The following GALNT7 variants were observed in gnomAD, a reference collection of about 807,000 sequenced individuals.
GALNT7 encodes the protein polypeptide N-acetylgalactosaminyltransferase 7.
A neutral mutation model predicts 82.1 loss-of-function variants in GALNT7; 60 were observed. The observed-to-expected ratio is 0.73, with a 90% confidence interval of 0.59 to 0.91. The LOEUF is 0.91. GALNT7 is among the 40% of genes least tolerant of loss of function. GALNT7 has a pLI of 0.00. For synonymous variants in GALNT7, 243 were observed against 275.1 expected, an observed-to-expected ratio of 0.88 and a Z score of 1.15; for missense variants, 660 against 804.2, an observed-to-expected ratio of 0.82 and a Z score of 2.17.
At chr4:173,202,328 C>G (rs956138200) in intron 1 of GALNT7, among the ~76,000 whole-genome samples, 1 of 152,200 alleles carries the variant, frequency 6.6e-6, no homozygotes, top group African/African-American at 2.4e-5. Context: ...AACTCTTTAC[C>G]ATACATTATA....
At chr4:173,170,111 C>T (rs143048269) in intron 1 of GALNT7, among the ~76,000 whole-genome samples, 2 of 152,264 alleles carry the variant, frequency 1.3e-5, no homozygotes, top group Non-Finnish European at 2.9e-5. Context: ...GCACCGGCCT[C>T]GCCCCCGACC....
chr4:173,260,150 A>G (rs1735205052), intron 2 of GALNT7, among the ~76,000 whole-genome samples: 3 of 152,258 alleles, frequency 2.0e-5, no homozygotes, highest in South Asian at 4.1e-4. Flanking sequence ...TAAAGTACGT[A>G]ACAATACTAT....
chr4:173,183,044 A>ACACACACACAC lies in GALNT7; in HGVS notation c.126+14084_126+14094dup, dbSNP rs1491355871. Among the ~76,000 whole-genome samples, 20 of 7,486 alleles carry ACACACACACAC rather than the reference A, an allele frequency of 2.7e-3. No homozygotes were observed. In the African/African-American group the frequency reaches 0.03, roughly 11 times the overall value. 4.9% of individuals were successfully genotyped at this position (7,486 alleles called of 152,430 possible). A position where few individuals can be genotyped will look rare whatever the true frequency, so the allele number is the denominator to read the frequency against. ...GGTTACTCATAATCCACACACATAA[A>ACACACACACAC]CACACACACACACACACACACACAC... On this transcript the variant is annotated intron_variant, in intron 1 of 11. Coordinates refer to ENST00000265000, the MANE Select transcript of GALNT7 (RefSeq NM_017423.3).
At chr4:173,305,196 T>G (rs1737106727) in intron 8 of GALNT7, among the ~76,000 whole-genome samples, 1 of 152,214 alleles carries the variant, frequency 6.6e-6, no homozygotes, top group Non-Finnish European at 1.5e-5. Flanking sequence ...TTAATGATGT[T>G]GAGCATTTCT....
Position 173,245,374 on chromosome 4 carries a change from T to C in GALNT7, c.127-2606T>C, listed in dbSNP as rs540668850. Among the ~76,000 whole-genome samples, 3 of 152,320 alleles carry C rather than the reference T, an allele frequency of 2.0e-5. No homozygotes were observed. In the South Asian group the frequency reaches 6.2e-4, roughly 32 times the overall value. On this transcript the variant is annotated intron_variant, in intron 1 of 11. Coordinates refer to ENST00000265000, the MANE Select transcript of GALNT7 (RefSeq NM_017423.3). ...TAAACTATGGCGTGTATTTCACAAT[T>C]TGATTTCATGTACTATCATATTCTA...
At position 173,292,502 on chromosome 4, in the gene GALNT7, T is replaced by C. The variant is rs1247991679; in HGVS notation, c.754+228T>C. On this transcript the variant is annotated intron_variant, in intron 3 of 11. Transcript: ENST00000265000. The surrounding 1 kb of genome is among the most constrained non-coding windows in gnomAD (Gnocchi z 4.8). ...TATGTCCATTTTACACGCTCAGAGA[T>C]GTACAAGTAGTACACAAAAATTTGG... 2.6e-5 allele frequency among the ~76,000 whole-genome samples: 4 copies of C among 152,212 alleles called. No individual in the cohort carries two copies. The highest frequency in any genetic ancestry group is 9.6e-5 in the African/African-American group (4 of 41,470).
At chr4:173,201,879 G>T (rs1478114614) in intron 1 of GALNT7, among the ~76,000 whole-genome samples, 4 of 152,136 alleles carry the variant, frequency 2.6e-5, no homozygotes, top group Admixed American at 6.5e-5. Flanking sequence ...ATGTCTCTTA[G>T]ATTTTATAGT....
At chr4:173,221,346 A>G (rs115344727) in intron 1 of GALNT7, among the ~76,000 whole-genome samples, 212 of 152,340 alleles carry the variant, frequency 1.4e-3, no homozygotes, top group African/African-American at 4.7e-3. Flanking sequence ...CAGCAGAAGA[A>G]AGACAGGAAG....
At chr4:173,248,489 A>G (rs773993583) in intron 2 of GALNT7, 49 bp downstream of exon 2, 53 of 1,170,140 alleles carry the variant, frequency 4.5e-5, no homozygotes, top group Admixed American at 2.1e-5. Context: ...TGTTGTTTTC[A>G]TAGGTTTTTA....
rs1737824722 is a variant in GALNT7 at position 173,321,722 on chromosome 4, A to G, written c.*5A>G. 6.3e-7 allele frequency: 1 copy of G among 1,599,236 alleles called. No individual in the cohort carries two copies. Among genetic ancestry groups the G allele is most frequent in the Non-Finnish European group, 8.6e-7 (1 of 1,167,888 alleles). On this transcript the variant is annotated 3_prime_UTR_variant, in exon 12 of 12. Transcript: ENST00000265000. The stretch of plus-strand genomic sequence containing the variant: ...AATAACATCCATAGTGTTTAGAGAG[A>G]AAAAAATAAACCAATAACCTACCTA...
intron 1 of GALNT7, among the ~76,000 whole-genome samples, chr4:173,195,146 T>C (rs1732737972): frequency 2.0e-5 from 3 of 152,196 alleles, no homozygotes; most frequent in Admixed American, 1.3e-4. Flanking sequence ...TAATATTGAG[T>C]GTTTTGCTCC....
At chr4:173,287,969 T>C (rs1042397857) in intron 2 of GALNT7, among the ~76,000 whole-genome samples, 1 of 152,162 alleles carries the variant, frequency 6.6e-6, no homozygotes, top group South Asian at 2.1e-4. Context: ...TGTAGTTGGA[T>C]GTAGAACAGG....
intron 2 of GALNT7, among the ~76,000 whole-genome samples, chr4:173,254,680 A>G (rs1734964516): frequency 6.6e-6 from 1 of 152,246 alleles, no homozygotes; most frequent in South Asian, 2.1e-4. Flanking sequence ...GTGACCATCC[A>G]AACTAATTGA....
intron 1 of GALNT7, among the ~76,000 whole-genome samples, chr4:173,190,897 G>C (rs758028636): frequency 3.3e-5 from 5 of 152,106 alleles, no homozygotes; most frequent in Non-Finnish European, 7.3e-5. Context: ...GCGTGGAATT[G>C]GCAAAGATTT....
Position 173,295,456 on chromosome 4 carries a change from T to C in GALNT7, c.815T>C (p.Phe272Ser). 6.2e-7 allele frequency: 1 copy of C among 1,610,956 alleles called. No individual in the cohort carries two copies. The highest frequency in any genetic ancestry group is 8.5e-7 in the Non-Finnish European group (1 of 1,177,156). The change falls in exon 4 of 12, where the codon TTT becomes TCT. Residue 272 changes from phenylalanine to serine, a missense_variant. Around this residue, in one of 2 missense-constraint regions of GALNT7, gnomAD observed 527 missense variants for 683.5 expected, o/e 0.77. Coordinates refer to ENST00000265000, the MANE Select transcript of GALNT7 (RefSeq NM_017423.3). ...CTGTGGAATGGCCTAGTGAAGGTAT[T>C]TCGAAATGAAAGAAGGGAAGGTTTA... The part of the protein sequence containing the change: ...IKLWNGLVKV[F>S]RNERREGLIQ...
chr4:173,307,654 G>C (rs185936023), intron 8 of GALNT7, among the ~76,000 whole-genome samples: 4 of 152,334 alleles, frequency 2.6e-5, no homozygotes. Flanking sequence ...AGCTGATCCA[G>C]GGCCTGGAGA....
Position 173,321,637 on chromosome 4 carries a change from C to T in GALNT7, c.1894C>T (p.Leu632=). The T allele has an allele frequency of 6.2e-6, 10 of 1,602,770 alleles. No homozygotes were observed. The highest frequency in any genetic ancestry group is 8.5e-6 in the Non-Finnish European group (10 of 1,169,836). The part of the protein sequence containing the change: ...SGKCLDRSEV[L]HQVFISNCDS... ...AAAGTGTTTAGATCGCTCAGAGGTCCTGCATCAAGTATTCATCTCCAATTG... is the reference window on the plus strand; with the variant it reads ...AAAGTGTTTAGATCGCTCAGAGGTCTTGCATCAAGTATTCATCTCCAATTG... The change falls in exon 12 of 12, where the codon CTG becomes TTG. Residue 632 remains leucine (L), a synonymous_variant. Transcript: ENST00000265000.
Position 173,323,951 on chromosome 4 carries a change from T to C in GALNT7, c.*2234T>C, listed in dbSNP as rs894918961. ...TGTTTTTTAGGTGACAAAAATAAAA[T>C]ATTGTATTTTAATTCATGGGTTTTT... On this transcript the variant is annotated 3_prime_UTR_variant, in exon 12 of 12. Transcript: ENST00000265000. The C allele has an allele frequency of 6.6e-6, 1 of 152,384 alleles. No individual in the cohort carries two copies. Among genetic ancestry groups the C allele is most frequent in the South Asian group, 2.1e-4 (1 of 4,836 alleles). 9.4% of individuals were successfully genotyped at this position (152,384 alleles called of 1,614,324 possible).
intron 8 of GALNT7, among the ~76,000 whole-genome samples, chr4:173,309,273 G>A (rs1225616906): frequency 2.6e-5 from 4 of 152,192 alleles, no homozygotes; most frequent in African/African-American, 7.2e-5. Flanking sequence ...CCCCATTCCA[G>A]GGAGTGTACG....
Sources: gnomAD v4.1 joint callset for allele counts (sites outside exome capture counted in the v4.1 genomes callset) on GRCh38, gnomAD v4.1.1 for gene constraint, gnomAD v4.1.1 regional missense constraint, Gnocchi (gnomAD v3.1) non-coding constraint, MANE v1.5 for transcripts, NCBI Gene and HGNC (gene_info 2026-07-23, HGNC 2026-07-21) for gene names.